The following MYT1 variants were observed in gnomAD, a reference collection of about 807,000 sequenced individuals.
MYT1 encodes myelin transcription factor I.
Under a neutral mutation model 123.0 loss-of-function variants are expected in MYT1, and 23 were observed. The observed-to-expected ratio is 0.19, with a 90% CI of 0.13 to 0.26. The LOEUF (loss-of-function observed/expected upper bound fraction) is 0.26. MYT1 is among the 10% of genes least tolerant of loss of function. The pLI is 1.00. For synonymous variants in MYT1, 518 were observed against 575.3 expected (o/e 0.90, Z 1.43); for missense variants, 1,125 against 1,472.5 (o/e 0.76, Z 3.86).
chr20:64,212,523 G>A lies in MYT1; in HGVS notation c.1517+385G>A, dbSNP rs1309650207. 6.6e-6 allele frequency among the ~76,000 whole-genome samples: 1 copy of A among 152,178 alleles called. No individual in the cohort carries two copies. The highest frequency in any genetic ancestry group is 1.5e-5 in the Non-Finnish European group (1 of 68,026). On this transcript the variant is annotated intron_variant, in intron 9 of 22. Transcript: ENST00000328439. This position sits in a 1 kb window ranked among gnomAD's most constrained non-coding sequence, Gnocchi z 6.8. ...AACCCTACGAGCTCCCGAGAGAGCA[G>A]GGGGCGGCCTGCAGAGGAGGGAGCA... is the stretch of plus-strand genomic sequence containing the variant.
chr20:64,237,190 AG>A, intron 20 of MYT1, 96 bp from the exon 21 acceptor site: 1 of 901,294 alleles, frequency 1.1e-6, no homozygotes, highest in Non-Finnish European at 1.8e-6. Flanking sequence ...TCTGCTGCAC[AG>A]GGGGTTTCAG....
intron 1 of MYT1, among the ~76,000 whole-genome samples, chr20:64,188,939 C>T (rs1285233380): frequency 6.6e-6 from 1 of 152,208 alleles, no homozygotes. Flanking sequence ...TTTATTCGTT[C>T]CTCTGTAGAC....
chr20:64,239,108 G>T (rs1291316838), intron 21 of MYT1, among the ~76,000 whole-genome samples: 1 of 152,256 alleles, frequency 6.6e-6, no homozygotes, highest in Non-Finnish European at 1.5e-5. Flanking sequence ...TGTGCAGTCA[G>T]GCTGGGGGCT....
rs1253477955 is a variant in MYT1 at position 64,236,685 on chromosome 20, G to A, written c.2989+39G>A. Reference sequence around the variant, plus strand: ...CCTGGATTTCCCTGCTCATGGCTGGGTGCCAGGGTAAGTGAGAGCTGTGCA... The same window carrying A: ...CCTGGATTTCCCTGCTCATGGCTGGATGCCAGGGTAAGTGAGAGCTGTGCA... On this transcript the variant is annotated intron_variant, in intron 20 of 22. Coordinates refer to ENST00000328439, the MANE Select transcript of MYT1 (RefSeq NM_004535.3). The A allele has an allele frequency of 2.6e-6, 4 of 1,568,556 alleles. No individual in the cohort carries two copies. The South Asian group carries it at 4.4e-5, about 17-fold the overall frequency.
chr20:64,214,691 T>A (rs1983785180), intron 10 of MYT1, among the ~76,000 whole-genome samples: 1 of 152,116 alleles, frequency 6.6e-6, no homozygotes, highest in African/African-American at 2.4e-5. Context: ...ACACAGCTCC[T>A]CCTCCCCAGC....
chr20:64,227,394 C>T, intron 16 of MYT1, 21 bp from the exon 17 acceptor site: 1 of 1,611,732 alleles, frequency 6.2e-7, no homozygotes, highest in African/African-American at 1.3e-5. Flanking sequence ...GCTCCCGTTC[C>T]AGTTCTGCTT....
intron 7 of MYT1, 141 bp from the exon 8 acceptor site, chr20:64,211,065 C>G: frequency 2.2e-6 from 2 of 912,970 alleles, no homozygotes; most frequent in Non-Finnish European, 3.2e-6. Flanking sequence ...CTGTCCAGCC[C>G]CAGTCCCTGT....
chr20:64,226,250 A>T (rs1261929333), intron 16 of MYT1, among the ~76,000 whole-genome samples: 1 of 152,256 alleles, frequency 6.6e-6, no homozygotes, highest in Non-Finnish European at 1.5e-5. Flanking sequence ...GGCACCCCAA[A>T]AAAACTCCTA....
At chr20:64,217,408 G>A (rs1219586947) in intron 11 of MYT1, 127 bp downstream of exon 11, 3 of 1,013,764 alleles carry the variant, frequency 3.0e-6, no homozygotes, top group Non-Finnish European at 4.4e-6. Flanking sequence ...CCTCATGGGA[G>A]GACCACGATG....
rs1984207974 is a variant in MYT1 at position 64,227,690 on chromosome 20, T to C, written c.2592-198T>C. ...CAGGGCTAGGGGCTCGTGGTAATGC[T>C]TCTCCTTCCCGACCCTGCTGCCTCG... On this transcript the variant is annotated intron_variant, in intron 17 of 22. Coordinates refer to ENST00000328439, the MANE Select transcript of MYT1 (RefSeq NM_004535.3). Among the ~76,000 whole-genome samples, 4 of 152,212 alleles carry C rather than the reference T, an allele frequency of 2.6e-5. No homozygotes were observed. The South Asian group carries it at 8.3e-4, about 32-fold the overall frequency.
rs1361166224 is a variant in MYT1 at position 64,168,102 on chromosome 20, G to T, written c.-99+3363G>T. 6.6e-6 allele frequency among the ~76,000 whole-genome samples: 1 copy of T among 152,198 alleles called. No individual in the cohort carries two copies. Among genetic ancestry groups the T allele is most frequent in the African/African-American group, 2.4e-5 (1 of 41,442 alleles). ...CTTTCACGGCCTCTTGAGGTTCCCG[G>T]CATTTTTCTGTCTTTCAGACCAAAT... On this transcript the variant is annotated intron_variant, in intron 1 of 22. Coordinates refer to ENST00000328439, the MANE Select transcript of MYT1 (RefSeq NM_004535.3). This position sits in a 1 kb window ranked among gnomAD's most constrained non-coding sequence, Gnocchi z 6.1.
intron 18 of MYT1, 51 bp downstream of exon 18, chr20:64,228,022 CGT>C: frequency 6.4e-7 from 1 of 1,565,208 alleles, no homozygotes; most frequent in South Asian, 1.1e-5. Flanking sequence ...TTGAGATTTT[CGT>C]GTGTTTTATA....
rs139845181 is a variant in MYT1, at chr20:64,204,824, T to A, written c.87-211T>A. The stretch of plus-strand genomic sequence containing the variant: ...TGGCGCTAGAAGTCTTGCTCTTATG[T>A]ATACACAGTCTTTAATTGAACACTC... On this transcript the variant is annotated intron_variant, in intron 4 of 22. Transcript: ENST00000328439. Among the ~76,000 whole-genome samples, 641 of 152,360 alleles carry A rather than the reference T, an allele frequency of 4.2e-3. 3 individuals carry two copies. Among genetic ancestry groups the A allele is most frequent in the Non-Finnish European group, 6.4e-3 (433 of 68,034 alleles).
Position 64,221,876 on chromosome 20 carries a change from C to T in MYT1, c.2242-17C>T, listed in dbSNP as rs1221556821. ...CCCGCCAGCCGGTTAAAACATCTTCCTGCTGGTTTTTTGCAGTCAGAGCCA... is the reference window on the plus strand; with the variant it reads ...CCCGCCAGCCGGTTAAAACATCTTCTTGCTGGTTTTTTGCAGTCAGAGCCA... On this transcript the variant is annotated splice_polypyrimidine_tract_variant and intron_variant, in intron 13 of 22. Transcript: ENST00000328439. 3.7e-6 allele frequency: 6 copies of T among 1,612,044 alleles called. No individual in the cohort carries two copies. The highest frequency in any genetic ancestry group is 1.3e-5 in the African/African-American group (1 of 75,000).
intron 18 of MYT1, among the ~76,000 whole-genome samples, chr20:64,229,118 A>G (rs141281369): frequency 1.4e-3 from 220 of 152,342 alleles, no homozygotes; most frequent in African/African-American, 5.1e-3. Flanking sequence ...GTTTGGTGTA[A>G]TAGGCTGTGG....
At chr20:64,201,052 G>C (rs988664799) in intron 4 of MYT1, among the ~76,000 whole-genome samples, 9 of 152,230 alleles carry the variant, frequency 5.9e-5, no homozygotes, top group Non-Finnish European at 1.3e-4. Flanking sequence ...GCCACGTGGA[G>C]TCGCCCAGGG....
chr20:64,226,299 TG>T (rs1300170414), intron 16 of MYT1, among the ~76,000 whole-genome samples: 2 of 152,268 alleles, frequency 1.3e-5, no homozygotes, highest in African/African-American at 4.8e-5. Context: ...GGGCCAGCCC[TG>T]CTGTGCCGCC....
Position 64,232,024 on chromosome 20 carries a change from C to T in MYT1, c.2676-140C>T. On this transcript the variant is annotated intron_variant, in intron 18 of 22. Transcript: ENST00000328439. The surrounding 1 kb of genome is among the most constrained non-coding windows in gnomAD (Gnocchi z 6.9). Reference sequence around the variant, plus strand: ...CAGTTCTTCCCTGAGGCTCCAGGACCTCAGCGGCCCTCCCTGCCTCACTCA... The same window carrying T: ...CAGTTCTTCCCTGAGGCTCCAGGACTTCAGCGGCCCTCCCTGCCTCACTCA... 2.5e-6 allele frequency: 2 copies of T among 787,470 alleles called. No homozygotes were observed. Among genetic ancestry groups the T allele is most frequent in the East Asian group, 2.7e-5 (1 of 37,280 alleles). The allele number at this position is 787,470 out of a possible 1,614,324, so 48.8% of individuals were successfully genotyped here.
rs1394718205 is a variant in MYT1 at position 64,191,239 on chromosome 20, A to T, written c.-1+1079A>T. On this transcript the variant is annotated intron_variant, in intron 2 of 22. Transcript: ENST00000328439. This position sits in a 1 kb window ranked among gnomAD's most constrained non-coding sequence, Gnocchi z 4.1. ...GGCAGATGGTGCAAGCCCTTCTTAT[A>T]CCTTCCCAGGGTATAAGATCTCCCT... Among the ~76,000 whole-genome samples the T allele has an allele frequency of 6.6e-6, 1 of 152,092 alleles. No individual in the cohort carries two copies. The highest frequency in any genetic ancestry group is 2.4e-5 in the African/African-American group (1 of 41,406).
Sources: gnomAD v4.1 joint callset for allele counts (sites outside exome capture counted in the v4.1 genomes callset) on GRCh38, gnomAD v4.1.1 for gene constraint, Gnocchi (gnomAD v3.1) non-coding constraint, MANE v1.5 for transcripts, NCBI Gene and HGNC (gene_info 2026-07-23, HGNC 2026-07-21) for gene names.